The following PRKG1 variants were observed in gnomAD, a reference collection of about 807,000 sequenced individuals.
PRKG1 encodes the protein protein kinase cGMP-dependent 1.
A neutral mutation model predicts 88.1 loss-of-function variants in PRKG1; 35 were observed. The observed-to-expected ratio is 0.40, with a 90% CI of 0.30 to 0.53. PRKG1 has a LOEUF of 0.53. Ranked by LOEUF, PRKG1 falls within the 20% of genes least tolerant of loss-of-function variation. The pLI is 0.59. For synonymous variants in PRKG1, 303 were observed against 292.5 expected (o/e 1.04, Z -0.37); for missense variants, 540 against 839.8 (o/e 0.64, Z 4.41).
intron 4 of PRKG1, among the ~76,000 whole-genome samples, chr10:51,891,999 T>C (rs1589394504): frequency 6.6e-6 from 1 of 152,204 alleles, no homozygotes; most frequent in South Asian, 2.1e-4. Flanking sequence ...GGCTGAATTT[T>C]ATCTTAAAAA....
intron 5 of PRKG1, among the ~76,000 whole-genome samples, chr10:51,931,206 G>A (rs150180242): frequency 6.6e-6 from 1 of 152,260 alleles, no homozygotes; most frequent in East Asian, 1.9e-4. Flanking sequence ...GTCCTGGATT[G>A]AACCTATTAT....
chr10:51,507,633 G>A (rs1440372501), intron 3 of PRKG1, among the ~76,000 whole-genome samples: 4 of 152,080 alleles, frequency 2.6e-5, no homozygotes, highest in African/African-American at 4.8e-5. Flanking sequence ...TGTTAAGGAG[G>A]TAATCCTTCT....
chr10:51,309,100 C>A (rs145294028), intron 2 of PRKG1, among the ~76,000 whole-genome samples: 1 of 152,160 alleles, frequency 6.6e-6, no homozygotes, highest in Non-Finnish European at 1.5e-5. Context: ...CTTCTTCTGG[C>A]AGGTATGAAC....
intron 3 of PRKG1, among the ~76,000 whole-genome samples, chr10:51,782,201 A>T (rs1005308092): frequency 1.3e-4 from 20 of 152,128 alleles, no homozygotes; most frequent in African/African-American, 4.8e-4. Context: ...TCCTCAACTT[A>T]CAAGGGTTCA....
At chr10:51,891,275 A>G (rs1841714305) in intron 4 of PRKG1, among the ~76,000 whole-genome samples, 1 of 152,130 alleles carries the variant, frequency 6.6e-6, no homozygotes. Flanking sequence ...ACAAATAAAT[A>G]AATAATACAT....
rs111955365 is a variant in PRKG1, at chr10:52,047,208, T to C, written c.763-7276T>C. Among the ~76,000 whole-genome samples the C allele has an allele frequency of 4.6e-5, 7 of 152,292 alleles. 1 individual carries two copies. The highest frequency in any genetic ancestry group is 2.1e-4 in the South Asian group (1 of 4,832). The stretch of plus-strand genomic sequence containing the variant: ...ATGATGATATGAGGAACAAAAATTT[T>C]CTTTTAGAGGATAGGAAGGAGAGCA... On this transcript the variant is annotated intron_variant, in intron 5 of 17. Coordinates refer to ENST00000373980, the MANE Select transcript of PRKG1 (RefSeq NM_006258.4).
intron 5 of PRKG1, among the ~76,000 whole-genome samples, chr10:51,987,866 T>C (rs1844203836): frequency 6.6e-6 from 1 of 152,072 alleles, no homozygotes; most frequent in Admixed American, 6.6e-5. Context: ...CAAGGAGCAA[T>C]ATTTTTAATG....
At chr10:51,869,602 T>G (rs2132853886) in intron 4 of PRKG1, among the ~76,000 whole-genome samples, 1 of 152,290 alleles carries the variant, frequency 6.6e-6, no homozygotes, top group South Asian at 2.1e-4. Context: ...CACCCTGAAC[T>G]ATGTTCTAAG....
At chr10:52,164,212 G>A (rs955534621) in intron 9 of PRKG1, among the ~76,000 whole-genome samples, 13 of 151,884 alleles carry the variant, frequency 8.6e-5, no homozygotes, top group South Asian at 2.1e-4. Flanking sequence ...TTAGCCAGGC[G>A]TGGTGGTGGG....
intron 3 of PRKG1, among the ~76,000 whole-genome samples, chr10:51,750,510 G>A (rs922502824): frequency 1.3e-5 from 2 of 152,076 alleles, no homozygotes; most frequent in Non-Finnish European, 2.9e-5. Context: ...TAGGTGCCAG[G>A]CAATGAGCTA....
chr10:51,999,654 T>A (rs1296532264), intron 5 of PRKG1, among the ~76,000 whole-genome samples: 3 of 152,078 alleles, frequency 2.0e-5, no homozygotes, highest in Non-Finnish European at 4.4e-5. Flanking sequence ...ATTCTTTTCT[T>A]TAGAATACTT....
chr10:52,053,591 G>A (rs1029119143), intron 5 of PRKG1, among the ~76,000 whole-genome samples: 2 of 152,244 alleles, frequency 1.3e-5, no homozygotes, highest in Admixed American at 6.5e-5. Flanking sequence ...CTGTTAGACC[G>A]CTTGACCCAG....
chr10:51,092,435 G>A (rs1844421440), intron 1 of PRKG1, among the ~76,000 whole-genome samples: 1 of 152,168 alleles, frequency 6.6e-6, no homozygotes, highest in Non-Finnish European at 1.5e-5. Flanking sequence ...AGACGAAATG[G>A]TCTCTAAAGT....
chr10:52,077,250 T>G (rs1275110904), intron 7 of PRKG1, among the ~76,000 whole-genome samples: 1 of 152,070 alleles, frequency 6.6e-6, no homozygotes, highest in East Asian at 1.9e-4. Context: ...AGTGATGTAC[T>G]CAGAAACAGA....
chr10:52,162,040 G>A, intron 9 of PRKG1, 77 bp downstream of exon 9: 3 of 1,260,990 alleles, frequency 2.4e-6, no homozygotes, highest in Admixed American at 3.6e-5. Flanking sequence ...TGTTGGACTT[G>A]ACACATCCCA....
intron 1 of PRKG1, among the ~76,000 whole-genome samples, chr10:51,124,702 T>C (rs901857553): frequency 6.6e-6 from 1 of 152,216 alleles, no homozygotes; most frequent in Non-Finnish European, 1.5e-5. Context: ...AAAACAAGCA[T>C]GGCTTTAGCC....
chr10:51,083,961 C>G (rs1383006746), intron 1 of PRKG1, among the ~76,000 whole-genome samples: 1 of 152,094 alleles, frequency 6.6e-6, no homozygotes, highest in African/African-American at 2.4e-5. Flanking sequence ...TTTATATAAG[C>G]AATGAAAATA....
chr10:51,434,148 G>A (rs1025575470), intron 2 of PRKG1, among the ~76,000 whole-genome samples: 1 of 152,044 alleles, frequency 6.6e-6, no homozygotes, highest in Non-Finnish European at 1.5e-5. Context: ...CTGGTGCCTG[G>A]CTGCTGAAAT....
intron 4 of PRKG1, among the ~76,000 whole-genome samples, chr10:51,897,101 G>A (rs67336648): frequency 0.18 from 27,805 of 152,060 alleles, 3,038 homozygotes; most frequent in East Asian, 0.48. Context: ...ACTGAACCAG[G>A]ATAAATGCCA....
Sources: gnomAD v4.1 joint callset for allele counts (sites outside exome capture counted in the v4.1 genomes callset) on GRCh38, gnomAD v4.1.1 for gene constraint, MANE v1.5 for transcripts, NCBI Gene and HGNC (gene_info 2026-07-23, HGNC 2026-07-21) for gene names.